GATM: variants seen among roughly 807,000 people sequenced by gnomAD.
GATM encodes the protein glycine amidinotransferase, also known as glycine amidinotransferase, mitochondrial.
Under a neutral mutation model 54.2 loss-of-function variants are expected in GATM, and 23 were observed. The observed-to-expected ratio is 0.42, with a 90% CI of 0.31 to 0.60. The LOEUF (loss-of-function observed/expected upper bound fraction) is 0.60. Among genes scored for constraint, GATM ranks in the 20% least tolerant of loss-of-function variants. The pLI is 0.14. For synonymous variants in GATM, 168 were observed against 183.1 expected, an observed-to-expected ratio of 0.92 and a Z score of 0.67; for missense variants, 401 against 544.9, an observed-to-expected ratio of 0.74 and a Z score of 2.63.
chr15:45,367,974 G>T, intron 4 of GATM, 96 bp downstream of exon 4: 1 of 1,039,474 alleles, frequency 9.6e-7, no homozygotes, highest in Non-Finnish European at 1.4e-6. Flanking sequence ...TTTCTAAAAT[G>T]CATAATATAT....
At chr15:45,366,341 T>C in intron 5 of GATM, 30 bp downstream of exon 5, 1 of 1,613,482 alleles carries the variant, frequency 6.2e-7, no homozygotes, top group Non-Finnish European at 8.5e-7. Context: ...AATAATATAG[T>C]GTGAAATTTC....
At chr15:45,401,829 C>G (rs1890015540) in intron 1 of GATM, 1 of 152,362 alleles carries the variant, frequency 6.6e-6, no homozygotes, top group African/African-American at 2.4e-5. Flanking sequence ...GTGTGCTTCC[C>G]TCCCACTATG....
chr15:45,394,913 C>T (rs1162403963), intron 3 of GATM, among the ~76,000 whole-genome samples: 1 of 152,092 alleles, frequency 6.6e-6, no homozygotes, highest in Non-Finnish European at 1.5e-5. Flanking sequence ...TGGAGTCAGC[C>T]CTCCCATTCC....
At chr15:45,369,689 C>A in intron 2 of GATM, 168 bp from the exon 3 acceptor site, 1 of 657,160 alleles carries the variant, frequency 1.5e-6, no homozygotes, top group Non-Finnish European at 2.7e-6. Flanking sequence ...TCTGGGCAGA[C>A]ACTCAGTATC....
At chr15:45,392,550 T>G (rs1020672598) in intron 3 of GATM, among the ~76,000 whole-genome samples, 9 of 152,212 alleles carry the variant, frequency 5.9e-5, no homozygotes, top group African/African-American at 2.2e-4. Flanking sequence ...AAGCACAGCA[T>G]AGAAGAGCAC....
intron 2 of GATM, among the ~76,000 whole-genome samples, chr15:45,398,557 T>A (rs1889960284): frequency 6.6e-6 from 1 of 152,232 alleles, no homozygotes; most frequent in Non-Finnish European, 1.5e-5. Flanking sequence ...ATTTTAACAA[T>A]GTCCCATTTA....
chr15:45,392,760 A>G (rs1186249534), intron 3 of GATM, among the ~76,000 whole-genome samples: 3 of 152,258 alleles, frequency 2.0e-5, no homozygotes, highest in African/African-American at 4.8e-5. Flanking sequence ...TGCAGTAAGC[A>G]TATTTTGTAT....
chr15:45,378,265 T>A lies in GATM; in HGVS notation c.69+120A>T, dbSNP rs543363980. 2.8e-5 allele frequency: 21 copies of A among 742,972 alleles called. No homozygotes were observed. The South Asian group carries it at 3.3e-4, about 12-fold the overall frequency. The allele number at this position is 742,972 out of a possible 1,614,324, so 46.0% of individuals were successfully genotyped here. On this transcript the variant is annotated intron_variant, in intron 1 of 8. Transcript: ENST00000396659. ...ACCAGAAGGGACACTCTCGTGCAAT[T>A]CCGGCTAGGGAAAGCGAGGGAAGGT... is the stretch of plus-strand genomic sequence containing the variant.
chr15:45,397,640 G>GT (rs1302337299), intron 2 of GATM, among the ~76,000 whole-genome samples: 1 of 152,172 alleles, frequency 6.6e-6, no homozygotes, highest in African/African-American at 2.4e-5. Context: ...GCCAGTAAAT[G>GT]TAAGTAATGT....
chr15:45,372,692 C>A (rs1422768530), intron 2 of GATM, among the ~76,000 whole-genome samples: 1 of 152,200 alleles, frequency 6.6e-6, no homozygotes, highest in South Asian at 2.1e-4. Flanking sequence ...TCCTCCGTGA[C>A]TATTTGTGCA....
At chr15:45,379,307 C>T (rs1355025987), upstream of GATM, 1 of 152,132 alleles carries the variant, frequency 6.6e-6, no homozygotes, top group Non-Finnish European at 1.5e-5. Flanking sequence ...TGGATTTGTA[C>T]AGAGCTAGAG....
chr15:45,375,767 A>G (rs1889621540), intron 2 of GATM, among the ~76,000 whole-genome samples: 1 of 145,010 alleles, frequency 6.9e-6, no homozygotes, highest in Admixed American at 6.8e-5. Context: ...ATCCTAAACA[A>G]TGCGGGGGGT....
chr15:45,364,552 C>A (rs1199958577), intron 7 of GATM: 9 of 433,914 alleles, frequency 2.1e-5, no homozygotes, highest in East Asian at 1.3e-4. Flanking sequence ...AAAAAAAAGT[C>A]ATATCTTGCT....
chr15:45,378,601 C>T (rs892233671), upstream of GATM: 17 of 560,014 alleles, frequency 3.0e-5, no homozygotes, highest in Non-Finnish European at 4.9e-5. Flanking sequence ...CGGCCGCCCC[C>T]CGCGGCCCCA....
rs564624011 is a variant in GATM at position 45,361,317 on chromosome 15, G to T, written c.*792C>A. On this transcript the variant is annotated 3_prime_UTR_variant, in exon 9 of 9. Coordinates refer to ENST00000396659, the MANE Select transcript of GATM (RefSeq NM_001482.3). ...AGATGCAGTGTATCTATCAGATATTGAATATCAAAACTTAAGGATGGGAAC... is the reference window on the plus strand; with the variant it reads ...AGATGCAGTGTATCTATCAGATATTTAATATCAAAACTTAAGGATGGGAAC... 5 of 152,044 alleles carry T rather than the reference G, an allele frequency of 3.3e-5. No individual in the cohort carries two copies. The South Asian group carries it at 1.0e-3, about 32-fold the overall frequency. 9.4% of individuals were successfully genotyped at this position (152,044 alleles called of 1,614,324 possible).
At chr15:45,369,850 A>G in intron 2 of GATM, 1 of 351,536 alleles carries the variant, frequency 2.8e-6, no homozygotes, top group African/African-American at 2.1e-5. Flanking sequence ...TTGCAGACAA[A>G]ACAGGACATA....
intron 3 of GATM, among the ~76,000 whole-genome samples, chr15:45,395,148 G>T (rs1889914333): frequency 1.3e-5 from 2 of 152,180 alleles, no homozygotes; most frequent in South Asian, 2.1e-4. Context: ...GGATACCTGA[G>T]AATTAATATG....
rs558560751 is a variant in GATM at position 45,364,830 on chromosome 15, T to C, written c.1009A>G (p.Ile337Val). The change falls in exon 7 of 9, where the codon ATC (isoleucine) becomes GTC (valine). Residue 337 changes from isoleucine (I) to valine (V), a missense_variant. By Grantham distance (29) the Ile-to-Val change is conservative. Coordinates refer to ENST00000396659, the MANE Select transcript of GATM (RefSeq NM_001482.3). ...IDLFKKAGWT[I>V]ITPPTPIIPD... Reference sequence around the variant, plus strand: ...ATGATTGGTGTTGGAGGAGTAATGATAGTCCATCCTGCTTTCTTGAAAAGA... The same window carrying C: ...ATGATTGGTGTTGGAGGAGTAATGACAGTCCATCCTGCTTTCTTGAAAAGA... 18 of 1,613,992 alleles carry C rather than the reference T, an allele frequency of 1.1e-5. No individual in the cohort carries two copies. In the South Asian group the frequency reaches 1.8e-4, roughly 16 times the overall value.
chr15:45,390,273 G>A (rs1246238076), intron 3 of GATM, among the ~76,000 whole-genome samples: 1 of 152,212 alleles, frequency 6.6e-6, no homozygotes, highest in African/African-American at 2.4e-5. Flanking sequence ...TGTTGACAGG[G>A]CTGGTGAGTT....
Sources: gnomAD v4.1 joint callset for allele counts (sites outside exome capture counted in the v4.1 genomes callset) on GRCh38, gnomAD v4.1.1 for gene constraint, MANE v1.5 for transcripts, NCBI Gene and HGNC (gene_info 2026-07-23, HGNC 2026-07-21) for gene names.